The following ANKS1A variants were observed in gnomAD, a reference collection of about 807,000 sequenced individuals.
The protein encoded by ANKS1A is ankyrin repeat and sterile alpha motif domain containing 1A, also known as ankyrin repeat and SAM domain-containing protein 1A.
A neutral mutation model predicts 120.3 loss-of-function variants in ANKS1A; 55 were observed. That is an observed-to-expected ratio of 0.46 (90% CI 0.37 to 0.57). ANKS1A has a LOEUF of 0.57. Ranked by LOEUF, ANKS1A falls within the 20% of genes least tolerant of loss-of-function variation. ANKS1A has a pLI of 0.00. For synonymous variants in ANKS1A, 590 were observed against 604.7 expected, an observed-to-expected ratio of 0.98 and a Z score of 0.36; for missense variants, 1,123 against 1,480.3, an observed-to-expected ratio of 0.76 and a Z score of 3.96.
At chr6:35,025,339 G>C (rs1774566406) in intron 11 of ANKS1A, among the ~76,000 whole-genome samples, 1 of 151,716 alleles carries the variant, frequency 6.6e-6, no homozygotes, top group Admixed American at 6.6e-5. Context: ...CCATGGCCTT[G>C]ATGCTAACAG....
At chr6:35,069,077 C>T (rs1776939172) in intron 13 of ANKS1A, among the ~76,000 whole-genome samples, 1 of 152,204 alleles carries the variant, frequency 6.6e-6, no homozygotes, top group African/African-American at 2.4e-5. Context: ...CTTCCCTGGG[C>T]TCTCCAGGAC....
chr6:34,981,807 C>G lies in ANKS1A; in HGVS notation c.553C>G (p.Pro185Ala). ...PTMRNNKFETPLDLAALYGRL... is the reference protein window; with the variant it reads ...PTMRNNKFETALDLAALYGRL... Reference sequence around the variant, plus strand: ...CATGCGCAACAACAAATTCGAGACCCCTTTGGACCTGGCAGCACTGTACGG... The same window carrying G: ...CATGCGCAACAACAAATTCGAGACCGCTTTGGACCTGGCAGCACTGTACGG... The change falls in exon 4 of 24, where the codon CCT (proline) becomes GCT (alanine). Residue 185 changes from proline to alanine, a missense_variant. By Grantham distance (27) the Pro-to-Ala change is conservative. Transcript: ENST00000360359. The G allele has an allele frequency of 6.2e-7, 1 of 1,614,124 alleles. No individual in the cohort carries two copies. The highest frequency in any genetic ancestry group is 1.3e-5 in the African/African-American group (1 of 75,010).
chr6:35,049,979 A>G (rs1383509621), intron 11 of ANKS1A, among the ~76,000 whole-genome samples: 2 of 152,138 alleles, frequency 1.3e-5, no homozygotes, highest in Non-Finnish European at 2.9e-5. Flanking sequence ...GTATTTATTA[A>G]AAAGCTAGTT....
At chr6:35,056,543 C>T (rs576705472) in intron 12 of ANKS1A, among the ~76,000 whole-genome samples, 2 of 152,188 alleles carry the variant, frequency 1.3e-5, no homozygotes, top group Admixed American at 6.5e-5. Context: ...CCTCCTCGGC[C>T]TCCCAAAGTG....
At chr6:34,951,661 GA>G (rs1407959501) in intron 1 of ANKS1A, among the ~76,000 whole-genome samples, 1 of 152,056 alleles carries the variant, frequency 6.6e-6, no homozygotes, top group African/African-American at 2.4e-5. Context: ...TTTCTGTATT[GA>G]AAATTCTTGT....
chr6:34,945,871 T>C (rs1338672611), intron 1 of ANKS1A, among the ~76,000 whole-genome samples: 2 of 152,154 alleles, frequency 1.3e-5, no homozygotes, highest in Admixed American at 6.5e-5. Context: ...TATTTCTTCA[T>C]TATCCTTTTA....
In ANKS1A at chr6:35,071,111, C is replaced by A. The variant is rs1777065213; in HGVS notation, c.2185-7447C>A. 4 of 321,454 alleles carry A rather than the reference C, an allele frequency of 1.2e-5. No individual in the cohort carries two copies. In the South Asian group the frequency reaches 1.4e-4, roughly 11 times the overall value. The allele number at this position is 321,454 out of a possible 1,614,324, so 19.9% of individuals were successfully genotyped here. A position where few individuals can be genotyped will look rare whatever the true frequency, so the allele number is the denominator to read the frequency against. Reference sequence around the variant, plus strand: ...TAAACTCTTTCAACTAGTTGCCAATCAGAAAATCTTTGAATCCACTTGTGA... The same window carrying A: ...TAAACTCTTTCAACTAGTTGCCAATAAGAAAATCTTTGAATCCACTTGTGA... On this transcript the variant is annotated intron_variant, in intron 13 of 23. Coordinates refer to ENST00000360359, the MANE Select transcript of ANKS1A (RefSeq NM_015245.3).
At chr6:35,019,824 C>G (rs1172473236) in intron 11 of ANKS1A, among the ~76,000 whole-genome samples, 2 of 151,998 alleles carry the variant, frequency 1.3e-5, no homozygotes, top group African/African-American at 4.8e-5. Context: ...GACTCTTACC[C>G]AGGTCTGAGA....
intron 1 of ANKS1A, among the ~76,000 whole-genome samples, chr6:34,893,716 A>G (rs1766931874): frequency 6.6e-6 from 1 of 152,146 alleles, no homozygotes; most frequent in Non-Finnish European, 1.5e-5. Context: ...GGCCAACAAA[A>G]AGGAGACAGA....
chr6:35,083,449 C>T lies in ANKS1A; in HGVS notation c.2940C>T (p.Thr980=), dbSNP rs764807390. 3 of 1,614,074 alleles carry T rather than the reference C, an allele frequency of 1.9e-6. No homozygotes were observed. The highest frequency in any genetic ancestry group is 2.2e-5 in the East Asian group (1 of 44,864). The change falls in exon 20 of 24, where the codon ACC becomes ACT. Residue 980 remains threonine (T), a synonymous_variant. Transcript: ENST00000360359. The part of the protein sequence containing the change: ...KSTEHMKKIP[T]IILSITYKGV... Reference sequence around the variant, plus strand: ...CGGAGCACATGAAGAAGATCCCCACCATCATCCTGTCCATCACATACAAAG... The same window carrying T: ...CGGAGCACATGAAGAAGATCCCCACTATCATCCTGTCCATCACATACAAAG...
chr6:34,902,499 C>T (rs977622790), intron 1 of ANKS1A, among the ~76,000 whole-genome samples: 3 of 152,034 alleles, frequency 2.0e-5, no homozygotes, highest in East Asian at 1.9e-4. Flanking sequence ...CCACCCGCCT[C>T]GGCCTCCCAA....
chr6:35,019,206 A>C (rs1022712529), intron 11 of ANKS1A, among the ~76,000 whole-genome samples: 7 of 152,224 alleles, frequency 4.6e-5, no homozygotes, highest in African/African-American at 1.7e-4. Context: ...CACCCTTGCA[A>C]GCTTCTTACT....
Position 34,907,672 on chromosome 6 carries a change from T to C in ANKS1A, c.197+18073T>C, listed in dbSNP as rs1379441046. Among the ~76,000 whole-genome samples, 5 of 152,156 alleles carry C rather than the reference T, an allele frequency of 3.3e-5. No individual in the cohort carries two copies. The East Asian group carries it at 9.6e-4, about 29-fold the overall frequency. On this transcript the variant is annotated intron_variant, in intron 1 of 23. Coordinates refer to ENST00000360359, the MANE Select transcript of ANKS1A (RefSeq NM_015245.3). ...CTGTGCTATCTTTGCAACTTTTCTG[T>C]AAGCCTAATATTATTTCAAAATAAA... is the stretch of plus-strand genomic sequence containing the variant.
intron 1 of ANKS1A, among the ~76,000 whole-genome samples, chr6:34,925,588 T>C (rs1220772226): frequency 2.0e-5 from 3 of 152,166 alleles, no homozygotes; most frequent in African/African-American, 4.8e-5. Flanking sequence ...TTGCCAGGAA[T>C]TGGAGAATCT....
chr6:35,021,993 A>AC lies in ANKS1A; in HGVS notation c.2010+3934_2010+3935insC, dbSNP rs557677795. Among the ~76,000 whole-genome samples, 456 of 151,932 alleles carry AC rather than the reference A, an allele frequency of 3.0e-3. 8 individuals carry two copies. The highest frequency in any genetic ancestry group is 0.011 in the African/African-American group (438 of 41,400). On this transcript the variant is annotated intron_variant, in intron 11 of 23. Coordinates refer to ENST00000360359, the MANE Select transcript of ANKS1A (RefSeq NM_015245.3). ...ACAGTGAGACTCTGTCTAAAAAAAAAAAAAAACAAAACAGAGCTCTTTGCA... is the reference window on the plus strand; with the variant it reads ...ACAGTGAGACTCTGTCTAAAAAAAAACAAAAAACAAAACAGAGCTCTTTGCA...
At chr6:34,998,743 G>A (rs746665057) in intron 10 of ANKS1A, among the ~76,000 whole-genome samples, 32 of 152,160 alleles carry the variant, frequency 2.1e-4, no homozygotes, top group Non-Finnish European at 8.8e-5. Context: ...CGGATTTTAA[G>A]ACACTAGCCT....
chr6:34,896,803 A>G lies in ANKS1A; in HGVS notation c.197+7204A>G, dbSNP rs576420573. ...AATATGGTAAAACCCCATCTCTATT[A>G]AAAATACAAAATCAGCTGGGTGTGG... On this transcript the variant is annotated intron_variant, in intron 1 of 23. Coordinates refer to ENST00000360359, the MANE Select transcript of ANKS1A (RefSeq NM_015245.3). Among the ~76,000 whole-genome samples the G allele has an allele frequency of 2.6e-5, 4 of 152,252 alleles. No individual in the cohort carries two copies. The South Asian group carries it at 6.2e-4, about 24-fold the overall frequency.
At position 35,044,998 on chromosome 6, in the gene ANKS1A, C is replaced by T. The variant is rs902615818; in HGVS notation, c.2011-9101C>T. On this transcript the variant is annotated intron_variant, in intron 11 of 23. Transcript: ENST00000360359. This position sits in a 1 kb window ranked among gnomAD's most constrained non-coding sequence, Gnocchi z 4.4. ...TTACAGAGGGAAACAGGCACAGTAT[C>T]TCCTGCTATGGCCCTGGGAAATGGC... Among the ~76,000 whole-genome samples the T allele has an allele frequency of 6.6e-6, 1 of 152,206 alleles. No homozygotes were observed. Among genetic ancestry groups the T allele is most frequent in the Non-Finnish European group, 1.5e-5 (1 of 68,046 alleles).
chr6:34,976,095 G>A (rs1048548845), intron 3 of ANKS1A, among the ~76,000 whole-genome samples: 3 of 126,684 alleles, frequency 2.4e-5, no homozygotes, highest in East Asian at 2.4e-4. Context: ...CCAAGGTTAC[G>A]CCACTGCACT....
Sources: gnomAD v4.1 joint callset for allele counts (sites outside exome capture counted in the v4.1 genomes callset) on GRCh38, gnomAD v4.1.1 for gene constraint, Gnocchi (gnomAD v3.1) non-coding constraint, MANE v1.5 for transcripts, NCBI Gene and HGNC (gene_info 2026-07-23, HGNC 2026-07-21) for gene names.